The following PDE7B variants were observed in gnomAD, a reference collection of about 807,000 sequenced individuals.
PDE7B encodes the protein 3',5'-cyclic-AMP phosphodiesterase 7B.
PDE7B carries 29 observed loss-of-function variants against 56.2 expected under a neutral mutation model. The ratio of observed to expected loss-of-function variants is 0.52; its 90% CI spans 0.38 to 0.70. The LOEUF is 0.70. Among genes scored for constraint, PDE7B ranks in the 30% least tolerant of loss-of-function variants. The pLI is 0.00. For synonymous variants in PDE7B, 197 were observed against 196.9 expected (o/e 1.00, Z 0.00); for missense variants, 490 against 565.0 (o/e 0.87, Z 1.35).
chr6:135,967,520 G>T (rs1026670744), intron 2 of PDE7B, among the ~76,000 whole-genome samples: 3 of 152,114 alleles, frequency 2.0e-5, no homozygotes, highest in Admixed American at 1.3e-4. Flanking sequence ...AAAATACTAA[G>T]CTATCGCTGT....
At chr6:136,095,679 C>T (rs1777459472) in intron 2 of PDE7B, 1 of 152,134 alleles carries the variant, frequency 6.6e-6, no homozygotes, top group Non-Finnish European at 1.5e-5. Context: ...GAGATTGCAC[C>T]ACATTAGTTA....
At position 135,920,521 on chromosome 6, in the gene PDE7B, C is replaced by T. The variant is rs1209516598; in HGVS notation, c.22-26943C>T. Among the ~76,000 whole-genome samples, 3 of 152,144 alleles carry T rather than the reference C, an allele frequency of 2.0e-5. No homozygotes were observed. In the East Asian group the frequency reaches 5.8e-4, roughly 29 times the overall value. On this transcript the variant is annotated intron_variant, in intron 1 of 12. Coordinates refer to ENST00000308191, the MANE Select transcript of PDE7B (RefSeq NM_018945.4). ...CAGCTCCACCTCCTAAAAGACCAGTCTCTCTGGACTATTTTTGTGTCACCC... is the reference window on the plus strand; with the variant it reads ...CAGCTCCACCTCCTAAAAGACCAGTTTCTCTGGACTATTTTTGTGTCACCC...
chr6:135,935,190 T>TTATATATATATATATATATA lies in PDE7B; in HGVS notation c.22-12266_22-12247dup, dbSNP rs60829896. On this transcript the variant is annotated intron_variant, in intron 1 of 12. Transcript: ENST00000308191. ...GAGAATTTTATATATATATATTTAT[T>TTATATATATATATATATATA]TATATATATATATATATATATATAT... 5.5e-3 allele frequency among the ~76,000 whole-genome samples: 200 copies of TTATATATATATATATATATA among 36,168 alleles called. 5 individuals carry two copies. Among genetic ancestry groups the TTATATATATATATATATATA allele is most frequent in the African/African-American group, 0.013 (111 of 8,342 alleles). 23.7% of individuals were successfully genotyped at this position (36,168 alleles called of 152,430 possible).
chr6:136,104,754 C>A (rs546300817), intron 2 of PDE7B, among the ~76,000 whole-genome samples: 2 of 152,154 alleles, frequency 1.3e-5, no homozygotes, highest in Non-Finnish European at 2.9e-5. Flanking sequence ...AGCATACTTA[C>A]AATTGTCCTG....
chr6:136,023,930 A>G (rs1466356709), intron 2 of PDE7B, among the ~76,000 whole-genome samples: 1 of 152,172 alleles, frequency 6.6e-6, no homozygotes, highest in Non-Finnish European at 1.5e-5. Context: ...CTTCCCAGAG[A>G]GCATTATCTA....
chr6:135,933,738 C>T (rs544075331), intron 1 of PDE7B, among the ~76,000 whole-genome samples: 1 of 152,180 alleles, frequency 6.6e-6, no homozygotes, highest in African/African-American at 2.4e-5. Context: ...TGTCATATTG[C>T]AATGTCAGTT....
chr6:135,870,957 T>A (rs1026809187), intron 1 of PDE7B, among the ~76,000 whole-genome samples: 2 of 149,750 alleles, frequency 1.3e-5, no homozygotes, highest in African/African-American at 5.1e-5. Flanking sequence ...CCTATATTAT[T>A]GGAGCCCTGC....
intron 2 of PDE7B, among the ~76,000 whole-genome samples, chr6:136,060,948 A>G (rs1158192162): frequency 6.6e-6 from 1 of 152,184 alleles, no homozygotes; most frequent in East Asian, 1.9e-4. Context: ...GAATTGTCAT[A>G]CTATTTTCTG....
chr6:136,101,386 TCTGGTC>T (rs1219820234), intron 2 of PDE7B, among the ~76,000 whole-genome samples: 1 of 152,212 alleles, frequency 6.6e-6, no homozygotes, highest in East Asian at 1.9e-4. Context: ...TGTGAATTCA[TCTGGTC>T]CTGGACTTTT....
At chr6:135,894,654 G>T (rs953030649) in intron 1 of PDE7B, among the ~76,000 whole-genome samples, 1 of 152,116 alleles carries the variant, frequency 6.6e-6, no homozygotes, top group Non-Finnish European at 1.5e-5. Flanking sequence ...ATTCCAATGA[G>T]CTCTGCACAA....
chr6:135,993,798 C>T (rs1001544359), intron 2 of PDE7B, among the ~76,000 whole-genome samples: 9 of 152,180 alleles, frequency 5.9e-5, no homozygotes, highest in Admixed American at 3.3e-4. Flanking sequence ...TCAAGCTTAA[C>T]TTTGAGTTTC....
chr6:136,111,360 C>G (rs552762330), intron 3 of PDE7B, among the ~76,000 whole-genome samples: 1 of 152,282 alleles, frequency 6.6e-6, no homozygotes, highest in East Asian at 1.9e-4. Flanking sequence ...GAATGTAAAT[C>G]ATCCCCTGTG....
chr6:135,889,802 A>G (rs1583742408), intron 1 of PDE7B, among the ~76,000 whole-genome samples: 1 of 96,306 alleles, frequency 1.0e-5, no homozygotes, highest in Admixed American at 1.5e-4. Flanking sequence ...GTCACCCGGG[A>G]GTGCAAATGA....
chr6:136,104,430 C>G (rs1486177064), intron 2 of PDE7B, among the ~76,000 whole-genome samples: 1 of 152,122 alleles, frequency 6.6e-6, no homozygotes, highest in South Asian at 2.1e-4. Context: ...AGACCCTGGG[C>G]CAGGAAAAGC....
intron 3 of PDE7B, among the ~76,000 whole-genome samples, chr6:136,120,037 A>G (rs149036767): frequency 6.6e-6 from 1 of 152,312 alleles, no homozygotes; most frequent in Non-Finnish European, 1.5e-5. Context: ...TCACAAGTGC[A>G]CATCTCATGG....
chr6:136,155,614 G>GT lies in PDE7B; in HGVS notation c.580-6dup, dbSNP rs769449287. 4.6e-5 allele frequency: 74 copies of GT among 1,596,840 alleles called. 1 individual carries two copies. In the Admixed American group the frequency reaches 1.1e-3, roughly 23 times the overall value. The stretch of plus-strand genomic sequence containing the variant: ...AATACACCAATCAATCTCCCAATTT[G>GT]TTTTTTTAACAGCTTGCCAGCTTCC... On this transcript the variant is annotated splice_polypyrimidine_tract_variant and intron_variant, in intron 7 of 12. Transcript: ENST00000308191.
chr6:136,138,764 G>A (rs896505698), intron 3 of PDE7B, among the ~76,000 whole-genome samples: 3 of 152,064 alleles, frequency 2.0e-5, no homozygotes, highest in African/African-American at 7.2e-5. Flanking sequence ...ACTGCAACTT[G>A]TCAGATATCT....
In PDE7B at chr6:136,032,168, T is replaced by C. The variant is rs111955321; in HGVS notation, c.83-76563T>C. On this transcript the variant is annotated intron_variant, in intron 2 of 12. Transcript: ENST00000308191. ...GAAATAAAGACTCCAAACAAAACAC[T>C]GAGGCCCTCATCAGTTTGTCTAGGG... is the stretch of plus-strand genomic sequence containing the variant. Among the ~76,000 whole-genome samples the C allele has an allele frequency of 6.8e-3, 1,036 of 152,260 alleles. 15 individuals carry two copies. Among genetic ancestry groups the C allele is most frequent in the African/African-American group, 0.023 (969 of 41,542 alleles).
intron 2 of PDE7B, among the ~76,000 whole-genome samples, chr6:136,013,294 T>G (rs976455582): frequency 1.3e-5 from 2 of 152,236 alleles, no homozygotes; most frequent in African/African-American, 4.8e-5. Flanking sequence ...AGTTTCTCCT[T>G]CTTTTCACCA....
Sources: allele counts gnomAD v4.1 joint callset (sites outside exome capture counted in the v4.1 genomes callset), GRCh38; gene constraint gnomAD v4.1.1; transcripts MANE v1.5; gene names NCBI Gene and HGNC (gene_info 2026-07-23, HGNC 2026-07-21).